Variants in ARL15 observed in about 807,000 individuals in gnomAD.
ARL15 encodes ARF like GTPase 15.
Under a neutral mutation model 25.2 loss-of-function variants are expected in ARL15, and 19 were observed. That is an observed-to-expected ratio of 0.75 (90% CI 0.53 to 1.10). The LOEUF is 1.10. ARL15 is among the 50% of genes least tolerant of loss of function. The pLI is 0.00. For missense variants in ARL15, 220 were observed against 246.0 expected (o/e 0.89, Z 0.71); for synonymous variants, 94 against 86.8 (o/e 1.08, Z -0.46).
chr5:54,060,447 C>CA (rs981611174), intron 4 of ARL15, among the ~76,000 whole-genome samples: 3 of 152,258 alleles, frequency 2.0e-5, no homozygotes, highest in African/African-American at 7.2e-5. Context: ...AACAAACAAA[C>CA]AAAAAACAAA....
intron 4 of ARL15, among the ~76,000 whole-genome samples, chr5:53,931,260 C>A (rs1391819263): frequency 3.9e-5 from 6 of 152,184 alleles, no homozygotes; most frequent in African/African-American, 1.2e-4. Context: ...ACAGGCCACA[C>A]ACTCCATCAC....
rs576875926 is a variant in ARL15 at position 54,230,375 on chromosome 5, A to G, written c.49-58447T>C. Among the ~76,000 whole-genome samples, 4 of 151,654 alleles carry G rather than the reference A, an allele frequency of 2.6e-5. No homozygotes were observed. In the East Asian group the frequency reaches 7.7e-4, roughly 29 times the overall value. ...AAAAAAAAAAAAAGAAAAGAAAAGA[A>G]AAAGAAAAAGAAAGAATGAAAAGAA... On this transcript the variant is annotated intron_variant, in intron 1 of 4. Coordinates refer to ENST00000504924, the MANE Select transcript of ARL15 (RefSeq NM_019087.3).
At chr5:54,124,798 T>C (rs1010558125) in intron 3 of ARL15, among the ~76,000 whole-genome samples, 1 of 152,196 alleles carries the variant, frequency 6.6e-6, no homozygotes, top group African/African-American at 2.4e-5. Flanking sequence ...AGCATAGTCA[T>C]TCCAAGCTAA....
At chr5:54,080,537 GAAGAAA>G (rs1219422369) in intron 4 of ARL15, among the ~76,000 whole-genome samples, 1 of 151,950 alleles carries the variant, frequency 6.6e-6, no homozygotes, top group Non-Finnish European at 1.5e-5. Flanking sequence ...TCGTCCCCAA[GAAGAAA>G]AAGGCCTAAC....
At chr5:54,260,914 T>C (rs547733654) in intron 1 of ARL15, among the ~76,000 whole-genome samples, 1 of 152,300 alleles carries the variant, frequency 6.6e-6, no homozygotes, top group South Asian at 2.1e-4. Flanking sequence ...ACTTGGAATA[T>C]AGCCTGGATA....
intron 4 of ARL15, among the ~76,000 whole-genome samples, chr5:54,042,597 C>G (rs1371989715): frequency 6.6e-6 from 1 of 152,346 alleles, no homozygotes; most frequent in East Asian, 1.9e-4. Context: ...CTACCCCAAT[C>G]TTTCTACTCT....
intron 4 of ARL15, among the ~76,000 whole-genome samples, chr5:53,961,344 A>G (rs1374540052): frequency 2.0e-5 from 3 of 151,930 alleles, no homozygotes; most frequent in Non-Finnish European, 4.4e-5. Context: ...CTAAAAATAC[A>G]AAAATTAGCC....
intron 3 of ARL15, among the ~76,000 whole-genome samples, chr5:54,119,779 G>C (rs944917596): frequency 1.3e-5 from 2 of 152,084 alleles, no homozygotes; most frequent in Non-Finnish European, 2.9e-5. Context: ...AGTTACTACC[G>C]TGTGAGTTGT....
At chr5:54,007,561 C>T (rs937291059) in intron 4 of ARL15, among the ~76,000 whole-genome samples, 3 of 151,952 alleles carry the variant, frequency 2.0e-5, no homozygotes, top group Admixed American at 6.5e-5. Flanking sequence ...AATCCTAGCA[C>T]TTCAGGAGGC....
At chr5:54,084,639 C>T (rs903884604) in intron 4 of ARL15, among the ~76,000 whole-genome samples, 4 of 152,098 alleles carry the variant, frequency 2.6e-5, no homozygotes, top group African/African-American at 9.7e-5. Flanking sequence ...GCCATCTCCC[C>T]TCCAGAGCCA....
At chr5:53,990,552 C>T (rs1748450926) in intron 4 of ARL15, among the ~76,000 whole-genome samples, 2 of 152,182 alleles carry the variant, frequency 1.3e-5, no homozygotes, top group South Asian at 2.1e-4. Context: ...CAGTTTAGCT[C>T]CTAAGCTTGG....
intron 2 of ARL15, among the ~76,000 whole-genome samples, chr5:54,166,399 C>A (rs1754568263): frequency 6.6e-6 from 1 of 152,014 alleles, no homozygotes; most frequent in Admixed American, 6.6e-5. Context: ...GGGGGTCTTA[C>A]TATGTTGCCC....
At chr5:53,899,084 C>T (rs1375201393) in intron 4 of ARL15, among the ~76,000 whole-genome samples, 1 of 152,040 alleles carries the variant, frequency 6.6e-6, no homozygotes, top group Non-Finnish European at 1.5e-5. Context: ...TCTTGGCTCA[C>T]ACCAGTAATC....
intron 1 of ARL15, among the ~76,000 whole-genome samples, chr5:54,247,301 T>C (rs931834190): frequency 7.9e-5 from 12 of 152,000 alleles, no homozygotes; most frequent in African/African-American, 2.9e-4. Context: ...TGAATTAAGA[T>C]TGAATAGTTA....
intron 4 of ARL15, among the ~76,000 whole-genome samples, chr5:53,901,481 A>G (rs963977443): frequency 2.0e-5 from 3 of 152,176 alleles, no homozygotes; most frequent in African/African-American, 4.8e-5. Context: ...ATTAGAGACA[A>G]CCAATTAGCT....
At chr5:54,268,949 T>C (rs1757703785) in intron 1 of ARL15, among the ~76,000 whole-genome samples, 1 of 152,154 alleles carries the variant, frequency 6.6e-6, no homozygotes, top group African/African-American at 2.4e-5. Context: ...GAAATCATCA[T>C]TCTCAGTAAA....
chr5:53,972,117 A>G (rs1203282682), intron 4 of ARL15, among the ~76,000 whole-genome samples: 3 of 152,330 alleles, frequency 2.0e-5, no homozygotes, highest in African/African-American at 7.2e-5. Flanking sequence ...CAACTTTTGT[A>G]AAGGCTTAGA....
chr5:54,192,920 G>T (rs536831293), intron 1 of ARL15, among the ~76,000 whole-genome samples: 1 of 152,206 alleles, frequency 6.6e-6, no homozygotes, highest in East Asian at 1.9e-4. Flanking sequence ...ATCTTACTGG[G>T]GTGGTGAAGA....
intron 4 of ARL15, among the ~76,000 whole-genome samples, chr5:54,008,197 A>G (rs984283274): frequency 2.0e-5 from 3 of 152,192 alleles, no homozygotes; most frequent in African/African-American, 7.2e-5. Context: ...CACTACATGT[A>G]AGAGTGAGGA....
Sources: allele counts gnomAD v4.1 joint callset (sites outside exome capture counted in the v4.1 genomes callset), GRCh38; gene constraint gnomAD v4.1.1; transcripts MANE v1.5; gene names NCBI Gene and HGNC (gene_info 2026-07-23, HGNC 2026-07-21).